DPP6: variants seen among roughly 807,000 people sequenced by gnomAD.
DPP6 encodes the protein A-type potassium channel modulatory protein DPP6.
Under a neutral mutation model 122.6 loss-of-function variants are expected in DPP6, and 69 were observed. That is an observed-to-expected ratio of 0.56 (90% CI 0.46 to 0.69). The LOEUF is 0.69. Among genes scored for constraint, DPP6 ranks in the 30% least tolerant of loss-of-function variants. The pLI is 0.00. For missense variants in DPP6, 928 were observed against 1,116.9 expected, an observed-to-expected ratio of 0.83 and a Z score of 2.41; for synonymous variants, 418 against 433.1, an observed-to-expected ratio of 0.97 and a Z score of 0.43.
intron 1 of DPP6, among the ~76,000 whole-genome samples, chr7:154,036,259 C>T (rs1178624975): frequency 6.9e-6 from 1 of 143,994 alleles, no homozygotes; most frequent in Non-Finnish European, 1.5e-5. Flanking sequence ...TACAGGTGCC[C>T]ACCACCACGC....
At chr7:154,292,623 G>A (rs1805281346) in intron 1 of DPP6, among the ~76,000 whole-genome samples, 1 of 152,166 alleles carries the variant, frequency 6.6e-6, no homozygotes, top group African/African-American at 2.4e-5. Flanking sequence ...TGGCTCTGGT[G>A]TCAACTTCAG....
intron 1 of DPP6, among the ~76,000 whole-genome samples, chr7:154,404,439 C>A (rs1815898903): frequency 6.6e-6 from 1 of 152,088 alleles, no homozygotes; most frequent in Non-Finnish European, 1.5e-5. Context: ...AGAAAAGAGC[C>A]TAGAGAAAAT....
chr7:154,519,007 A>C (rs1826759640), intron 3 of DPP6, among the ~76,000 whole-genome samples: 1 of 152,250 alleles, frequency 6.6e-6, no homozygotes, highest in South Asian at 2.1e-4. Context: ...GGACATTCTT[A>C]CTTCCACTTA....
the DPP6 span, among the ~76,000 whole-genome samples, chr7:153,824,230 T>G: frequency 6.6e-6 from 1 of 150,456 alleles, no homozygotes; most frequent in East Asian, 2.0e-4. Flanking sequence ...CTCTACTAAA[T>G]ACGCAAAAAT....
chr7:154,499,744 C>T (rs1825063951), intron 3 of DPP6, among the ~76,000 whole-genome samples: 1 of 152,042 alleles, frequency 6.6e-6, no homozygotes, highest in African/African-American at 2.4e-5. Flanking sequence ...ATCCCCACCA[C>T]CCACCAACCC....
At chr7:153,864,216 G>A in the DPP6 span, among the ~76,000 whole-genome samples, 4 of 152,106 alleles carry the variant, frequency 2.6e-5, no homozygotes, top group Non-Finnish European at 5.9e-5. Context: ...GTATGGGTTC[G>A]AATTTCTCCA....
Position 154,889,870 on chromosome 7 carries a change from G to A in DPP6, c.2451+340G>A, listed in dbSNP as rs148203731. The stretch of plus-strand genomic sequence containing the variant: ...AGTGTGGCTGGGGCTATCCCGCTGC[G>A]GAGAGTGGGACTGTTGTTCTGGGTT... On this transcript the variant is annotated intron_variant, in intron 25 of 25. Coordinates refer to ENST00000377770, the MANE Select transcript of DPP6 (RefSeq NM_130797.4). 682 of 303,086 alleles carry A rather than the reference G, an allele frequency of 2.3e-3. 4 individuals are homozygous for A. The highest frequency in any genetic ancestry group is 0.013 in the African/African-American group (584 of 46,398). The allele number at this position is 303,086 out of a possible 1,614,324, so 18.8% of individuals were successfully genotyped here.
intron 1 of DPP6, among the ~76,000 whole-genome samples, chr7:154,356,134 TC>T (rs1811250651): frequency 6.6e-6 from 1 of 152,232 alleles, no homozygotes; most frequent in South Asian, 2.1e-4. Context: ...TTCTGTTTTT[TC>T]TATTTAATTT....
chr7:154,853,079 T>G (rs1003640591), intron 16 of DPP6, among the ~76,000 whole-genome samples: 1 of 152,124 alleles, frequency 6.6e-6, no homozygotes, highest in African/African-American at 2.4e-5. Flanking sequence ...TCTTAATGTT[T>G]TCAAAAAGAT....
At chr7:154,834,932 C>T (rs1035296289) in intron 16 of DPP6, among the ~76,000 whole-genome samples, 6 of 152,078 alleles carry the variant, frequency 3.9e-5, no homozygotes, top group African/African-American at 7.2e-5. Flanking sequence ...TGCCGTATTT[C>T]GCTGGCTTGG....
intron 1 of DPP6, among the ~76,000 whole-genome samples, chr7:154,178,002 A>G (rs897551498): frequency 1.3e-5 from 2 of 152,156 alleles, no homozygotes; most frequent in African/African-American, 4.8e-5. Flanking sequence ...GGCTTTTCCC[A>G]TGAAGCCAAC....
At chr7:154,572,969 C>T (rs776897666) in intron 5 of DPP6, among the ~76,000 whole-genome samples, 9 of 152,086 alleles carry the variant, frequency 5.9e-5, no homozygotes, top group Non-Finnish European at 1.3e-4. Flanking sequence ...GGTGAGCCAC[C>T]ACACCTGGCC....
intron 1 of DPP6, among the ~76,000 whole-genome samples, chr7:154,126,018 T>C (rs1363082226): frequency 6.6e-6 from 1 of 152,234 alleles, no homozygotes; most frequent in Non-Finnish European, 1.5e-5. Flanking sequence ...TCTTCAATTC[T>C]TGATTCCATT....
At chr7:153,798,522 C>T in the DPP6 span, among the ~76,000 whole-genome samples, 11 of 152,040 alleles carry the variant, frequency 7.2e-5, no homozygotes, top group African/African-American at 1.4e-4. Context: ...CCCTTGGCTA[C>T]GAGGGGATGT....
intron 7 of DPP6, among the ~76,000 whole-genome samples, chr7:154,722,002 C>CAA (rs34504657): frequency 1.4e-3 from 175 of 128,630 alleles, no homozygotes; most frequent in Middle Eastern, 8.2e-3. Flanking sequence ...CCATCTCTAC[C>CAA]AAAAAAAAAA....
intron 1 of DPP6, among the ~76,000 whole-genome samples, chr7:154,271,392 G>T (rs1292765215): frequency 6.6e-6 from 1 of 152,118 alleles, no homozygotes; most frequent in Non-Finnish European, 1.5e-5. Context: ...TCAGACGTGG[G>T]CAGGTGTTGA....
intron 1 of DPP6, among the ~76,000 whole-genome samples, chr7:153,916,837 T>G (rs1800349504): frequency 6.6e-6 from 1 of 152,232 alleles, no homozygotes; most frequent in Non-Finnish European, 1.5e-5. Flanking sequence ...TTACTCTGTG[T>G]GTGTATTTTA....
chr7:154,058,929 TAGTACCCCCATCGCAGGGTG>T (rs1801227159), intron 1 of DPP6: 1 of 149,494 alleles, frequency 6.7e-6, no homozygotes, highest in African/African-American at 2.5e-5. Context: ...CCCTGGCTGT[TAGTACCCCCATCGCAGGGTG>T]GGGGAGGCAC....
intron 1 of DPP6, among the ~76,000 whole-genome samples, chr7:154,011,588 C>CGA (rs1798159277): frequency 6.6e-6 from 1 of 152,050 alleles, no homozygotes; most frequent in African/African-American, 2.4e-5. Flanking sequence ...ACATCCAAGA[C>CGA]GAGAGATCAA....
Sources: gnomAD v4.1 joint callset for allele counts (sites outside exome capture counted in the v4.1 genomes callset) on GRCh38, gnomAD v4.1.1 for gene constraint, MANE v1.5 for transcripts, NCBI Gene and HGNC (gene_info 2026-07-23, HGNC 2026-07-21) for gene names.